Variants in SORCS3 observed in about 807,000 individuals in gnomAD.
SORCS3 encodes VPS10 domain-containing receptor SorCS3.
A neutral mutation model predicts 146.3 loss-of-function variants in SORCS3; 57 were observed. That is an observed-to-expected ratio of 0.39 (90% CI 0.31 to 0.49). The LOEUF (loss-of-function observed/expected upper bound fraction) is 0.49. Among genes scored for constraint, SORCS3 ranks in the 20% least tolerant of loss-of-function variants. The pLI, the probability that SORCS3 is intolerant of heterozygous loss-of-function variation, is 0.92. For missense variants in SORCS3, 1,341 were observed against 1,575.5 expected, an observed-to-expected ratio of 0.85 and a Z score of 2.52; for synonymous variants, 653 against 618.5, an observed-to-expected ratio of 1.06 and a Z score of -0.83.
chr10:105,170,949 A>G (rs1412540129), intron 13 of SORCS3, among the ~76,000 whole-genome samples: 1 of 152,172 alleles, frequency 6.6e-6, no homozygotes, highest in East Asian at 1.9e-4. Context: ...AAGGTAAACA[A>G]AGCTCATTTT....
Position 105,255,809 on chromosome 10 carries a change from C to T in SORCS3, c.3337+8C>T, listed in dbSNP as rs1336619922. 1 of 1,595,738 alleles carries T rather than the reference C, an allele frequency of 6.3e-7. No homozygotes were observed. The highest frequency in any genetic ancestry group is 8.6e-7 in the Non-Finnish European group (1 of 1,164,806). ...TCACACAGCTGACGTTAGGTGAGTG[C>T]CACTGGGAACTGGGGAAATGGGAAA... On this transcript the variant is annotated splice_region_variant and intron_variant, in intron 24 of 26. Transcript: ENST00000369701.
intron 1 of SORCS3, among the ~76,000 whole-genome samples, chr10:104,722,912 A>AT (rs1356131379): frequency 6.0e-5 from 9 of 150,942 alleles, no homozygotes; most frequent in Non-Finnish European, 1.0e-4. Context: ...AATTTTGTTG[A>AT]TTTTTTCAAA....
intron 2 of SORCS3, among the ~76,000 whole-genome samples, chr10:104,853,071 G>A (rs1471311860): frequency 3.9e-5 from 6 of 152,192 alleles, no homozygotes; most frequent in African/African-American, 7.2e-5. Flanking sequence ...AGGCCAAGGC[G>A]GGCGGATCAC....
intron 8 of SORCS3, among the ~76,000 whole-genome samples, chr10:105,145,724 C>T (rs1036275338): frequency 6.6e-6 from 1 of 152,086 alleles, no homozygotes; most frequent in African/African-American, 2.4e-5. Context: ...TCAAGCAGCT[C>T]AGCAGGAACC....
chr10:104,992,038 G>A (rs1268365436), intron 4 of SORCS3, among the ~76,000 whole-genome samples: 5 of 152,198 alleles, frequency 3.3e-5, no homozygotes, highest in African/African-American at 9.6e-5. Flanking sequence ...CTGCTGCCCT[G>A]TGTGAGGGGG....
chr10:104,925,563 C>T (rs2019136613), intron 3 of SORCS3, among the ~76,000 whole-genome samples: 1 of 152,140 alleles, frequency 6.6e-6, no homozygotes, highest in Non-Finnish European at 1.5e-5. Context: ...AATATTTTCC[C>T]CCAAACCTTT....
chr10:105,252,982 A>G (rs1177899018), intron 23 of SORCS3, 76 bp downstream of exon 23: 4 of 1,531,602 alleles, frequency 2.6e-6, no homozygotes, highest in Non-Finnish European at 2.6e-6. Flanking sequence ...GTTTTCAGCC[A>G]GAAAGGGAGA....
At chr10:105,226,128 T>C (rs1339561146) in intron 20 of SORCS3, among the ~76,000 whole-genome samples, 1 of 151,956 alleles carries the variant, frequency 6.6e-6, no homozygotes, top group South Asian at 2.1e-4. Flanking sequence ...CATCCTTATC[T>C]TCTTGTTCTA....
At chr10:104,761,294 G>A (rs1361571814) in intron 1 of SORCS3, among the ~76,000 whole-genome samples, 1 of 152,170 alleles carries the variant, frequency 6.6e-6, no homozygotes, top group Non-Finnish European at 1.5e-5. Flanking sequence ...GTCAGCAGAG[G>A]CACTGTATGA....
In SORCS3 at chr10:105,223,157, A is replaced by T; in HGVS notation, c.2776A>T (p.Ile926Leu). ...TCATCTCCGAGTTCCATTTGTTGCC[A>T]TAAGAAATAAGGAGGTCAACATCAG... ...HVHLRVPFVA[I>L]RNKEVNISAV... is the part of the protein sequence containing the mutation. The change falls in exon 20 of 27, where the codon ATA (isoleucine) becomes TTA (leucine). Residue 926 changes from isoleucine to leucine, a missense_variant. Transcript: ENST00000369701. 1 of 1,612,540 alleles carries T rather than the reference A, an allele frequency of 6.2e-7. No homozygotes were observed. The highest frequency in any genetic ancestry group is 8.5e-7 in the Non-Finnish European group (1 of 1,178,824).
intron 6 of SORCS3, among the ~76,000 whole-genome samples, chr10:105,090,871 G>A (rs1230401617): frequency 1.3e-5 from 2 of 152,148 alleles, no homozygotes; most frequent in African/African-American, 4.8e-5. Context: ...CCTGGCTGTT[G>A]GCATTGTGGT....
chr10:104,717,670 C>T (rs1489968689), intron 1 of SORCS3, among the ~76,000 whole-genome samples: 1 of 152,136 alleles, frequency 6.6e-6, no homozygotes, highest in Non-Finnish European at 1.5e-5. Context: ...GTGAGATAGT[C>T]ACACCATCCA....
intron 5 of SORCS3, among the ~76,000 whole-genome samples, chr10:105,056,214 C>T (rs377174745): frequency 1.3e-5 from 2 of 152,160 alleles, no homozygotes; most frequent in Admixed American, 6.6e-5. Context: ...TTAGTTGATC[C>T]GCTAGAATAG....
chr10:105,078,761 G>A (rs927185773), intron 5 of SORCS3, among the ~76,000 whole-genome samples: 1 of 152,002 alleles, frequency 6.6e-6, no homozygotes, highest in African/African-American at 2.4e-5. Context: ...CAATGACAAG[G>A]GTGCCATTAT....
rs962198572 is a variant in SORCS3, at chr10:105,176,631, G to T, written c.1902-1435G>T. Among the ~76,000 whole-genome samples, 4 of 152,064 alleles carry T rather than the reference G, an allele frequency of 2.6e-5. No individual in the cohort carries two copies. In the East Asian group the frequency reaches 7.8e-4, roughly 30 times the overall value. On this transcript the variant is annotated intron_variant, in intron 13 of 26. Transcript: ENST00000369701. ...AGCATTTTGGGAGGCCTAGGTGGGT[G>T]GGTTACGAGGCCAGAAGATCGAGAC...
chr10:104,817,785 A>G (rs2017821691), intron 1 of SORCS3, among the ~76,000 whole-genome samples: 1 of 147,208 alleles, frequency 6.8e-6, no homozygotes, highest in Non-Finnish European at 1.5e-5. Context: ...GAAATCAGTC[A>G]GGGGGGATCA....
At chr10:104,778,267 G>A (rs1399002474) in intron 1 of SORCS3, among the ~76,000 whole-genome samples, 1 of 152,084 alleles carries the variant, frequency 6.6e-6, no homozygotes, top group Non-Finnish European at 1.5e-5. Context: ...TTCTAGGCCC[G>A]GTTCCATACA....
intron 2 of SORCS3, among the ~76,000 whole-genome samples, chr10:104,901,764 A>T (rs991435128): frequency 1.3e-5 from 2 of 152,168 alleles, no homozygotes; most frequent in East Asian, 3.9e-4. Context: ...CTAGTGAGAG[A>T]TGGTCTTGTC....
At chr10:104,658,829 CT>C (rs199582553) in intron 1 of SORCS3, among the ~76,000 whole-genome samples, 114 of 150,100 alleles carry the variant, frequency 7.6e-4, no homozygotes, top group Admixed American at 2.7e-3. Context: ...TAAATAAGCA[CT>C]TTTTTTTTGT....
Sources: allele counts gnomAD v4.1 joint callset (sites outside exome capture counted in the v4.1 genomes callset), GRCh38; gene constraint gnomAD v4.1.1; transcripts MANE v1.5; gene names NCBI Gene and HGNC (gene_info 2026-07-23, HGNC 2026-07-21).